UNC5C: variants seen among roughly 807,000 people sequenced by gnomAD.
UNC5C encodes the protein unc-5 netrin receptor C, also known as netrin receptor UNC5C.
In UNC5C, 47 loss-of-function variants were observed where a neutral mutation model predicts 99.8. The ratio of observed to expected loss-of-function variants is 0.47; its 90% CI spans 0.37 to 0.60. The LOEUF is 0.60. Ranked by LOEUF, UNC5C falls within the 20% of genes least tolerant of loss-of-function variation. UNC5C has a pLI of 0.00. For missense variants in UNC5C, 1,062 were observed against 1,165.9 expected (o/e 0.91, Z 1.30); for synonymous variants, 487 against 452.2 (o/e 1.08, Z -0.98).
chr4:95,411,307 C>G (rs111483478), intron 1 of UNC5C, among the ~76,000 whole-genome samples: 2,378 of 152,150 alleles, frequency 0.016, 70 homozygotes, highest in African/African-American at 0.053. Flanking sequence ...CCTCAGATGT[C>G]CACAAAGGAT....
intron 1 of UNC5C, among the ~76,000 whole-genome samples, chr4:95,355,087 A>G (rs929798793): frequency 6.6e-6 from 1 of 152,156 alleles, no homozygotes; most frequent in South Asian, 2.1e-4. Flanking sequence ...TGTAATTGCT[A>G]TAAAAATAGG....
intron 3 of UNC5C, among the ~76,000 whole-genome samples, chr4:95,281,256 A>G (rs1254542843): frequency 2.0e-5 from 3 of 152,246 alleles, no homozygotes; most frequent in African/African-American, 7.2e-5. Flanking sequence ...ATGTATTTAA[A>G]TAGAGCAATT....
intron 1 of UNC5C, among the ~76,000 whole-genome samples, chr4:95,433,275 A>G (rs1746683011): frequency 6.6e-6 from 1 of 152,158 alleles, no homozygotes; most frequent in South Asian, 2.1e-4. Flanking sequence ...TATGCTTATT[A>G]TTTTAAAATG....
chr4:95,286,989 G>C, intron 3 of UNC5C, among the ~76,000 whole-genome samples: 1 of 152,196 alleles, frequency 6.6e-6, no homozygotes, highest in East Asian at 1.9e-4. Context: ...CCTGTGGACT[G>C]CTACTTTGAG....
At chr4:95,329,604 T>C (rs1433076428) in intron 2 of UNC5C, among the ~76,000 whole-genome samples, 1 of 152,226 alleles carries the variant, frequency 6.6e-6, no homozygotes, top group African/African-American at 2.4e-5. Context: ...TTTACATTGC[T>C]GTTCCTGTAT....
At chr4:95,417,296 C>T (rs1031636024) in intron 1 of UNC5C, among the ~76,000 whole-genome samples, 5 of 152,144 alleles carry the variant, frequency 3.3e-5, no homozygotes, top group South Asian at 2.1e-4. Context: ...ATATTAGCCC[C>T]GTAAGTCCTG....
chr4:95,219,809 C>G (rs1738399532), intron 8 of UNC5C, among the ~76,000 whole-genome samples, 176 bp downstream of exon 8: 1 of 152,208 alleles, frequency 6.6e-6, no homozygotes. Context: ...GAGGATTTAT[C>G]TTGTTAACTC....
chr4:95,301,806 A>G, intron 2 of UNC5C, 57 bp from the exon 3 acceptor site: 6 of 1,566,684 alleles, frequency 3.8e-6, no homozygotes, highest in Non-Finnish European at 5.2e-6. Context: ...AAAGAAATAT[A>G]AACCATCACA....
intron 5 of UNC5C, among the ~76,000 whole-genome samples, chr4:95,246,736 A>C (rs1739515838): frequency 6.6e-6 from 1 of 151,956 alleles, no homozygotes; most frequent in Non-Finnish European, 1.5e-5. Flanking sequence ...TATAATGCTT[A>C]TTTTTAAATC....
In UNC5C at chr4:95,241,793, A is replaced by G. The variant is rs187621372; in HGVS notation, c.1108+636T>C. 2.5e-3 allele frequency among the ~76,000 whole-genome samples: 376 copies of G among 152,334 alleles called. 2 individuals carry two copies. The highest frequency in any genetic ancestry group is 8.3e-3 in the African/African-American group (344 of 41,574). On this transcript the variant is annotated intron_variant, in intron 7 of 15. Coordinates refer to ENST00000453304, the MANE Select transcript of UNC5C (RefSeq NM_003728.4). Reference sequence around the variant, plus strand: ...AAATCTAAAGAACAAAGACGTGAAAAAAATGGAGAATATCTAGCTTATAGC... The same window carrying G: ...AAATCTAAAGAACAAAGACGTGAAAGAAATGGAGAATATCTAGCTTATAGC...
chr4:95,205,228 C>T (rs1238656332), intron 11 of UNC5C, among the ~76,000 whole-genome samples: 1 of 152,160 alleles, frequency 6.6e-6, no homozygotes, highest in African/African-American at 2.4e-5. Flanking sequence ...ATTGTAACTA[C>T]TCAAACCCAG....
At chr4:95,195,599 G>A (rs571683044) in intron 12 of UNC5C, among the ~76,000 whole-genome samples, 11 of 152,254 alleles carry the variant, frequency 7.2e-5, no homozygotes, top group African/African-American at 2.4e-4. Context: ...GCTTGCCGAG[G>A]AAATGCCAGG....
intron 11 of UNC5C, among the ~76,000 whole-genome samples, chr4:95,204,481 G>A (rs568400196): frequency 1.3e-4 from 20 of 152,332 alleles, no homozygotes; most frequent in South Asian, 4.1e-4. Context: ...GCTGGGCTTC[G>A]GCCTACGGTT....
At chr4:95,365,371 A>C (rs1413027545) in intron 1 of UNC5C, among the ~76,000 whole-genome samples, 1 of 148,032 alleles carries the variant, frequency 6.8e-6, no homozygotes, top group Non-Finnish European at 1.5e-5. Context: ...ATAACATTTA[A>C]AAATATATAA....
intron 1 of UNC5C, among the ~76,000 whole-genome samples, chr4:95,434,882 T>G (rs1201059540): frequency 2.0e-5 from 3 of 152,020 alleles, no homozygotes; most frequent in African/African-American, 7.2e-5. Flanking sequence ...GCACTGCAGT[T>G]TGTCAAAGCC....
chr4:95,352,788 T>C (rs1744037281), intron 1 of UNC5C, among the ~76,000 whole-genome samples: 1 of 152,156 alleles, frequency 6.6e-6, no homozygotes, highest in South Asian at 2.1e-4. Flanking sequence ...TCACCAGGAC[T>C]CAAGTTGAGG....
At chr4:95,545,445 G>A (rs1193683385) in intron 1 of UNC5C, among the ~76,000 whole-genome samples, 1 of 152,082 alleles carries the variant, frequency 6.6e-6, no homozygotes, top group East Asian at 1.9e-4. Context: ...CGATAGAATT[G>A]TAATGAACTT....
chr4:95,417,204 T>C (rs2149454470), intron 1 of UNC5C, among the ~76,000 whole-genome samples: 1 of 152,298 alleles, frequency 6.6e-6, no homozygotes, highest in African/African-American at 2.4e-5. Context: ...TATGAAGACT[T>C]AGAGCTTCAA....
intron 7 of UNC5C, among the ~76,000 whole-genome samples, chr4:95,241,707 G>A (rs1023114451): frequency 6.6e-6 from 1 of 151,930 alleles, no homozygotes; most frequent in Non-Finnish European, 1.5e-5. Context: ...TACATCTGAG[G>A]GCTCCTCAAT....
Sources: gnomAD v4.1 joint callset for allele counts (sites outside exome capture counted in the v4.1 genomes callset) on GRCh38, gnomAD v4.1.1 for gene constraint, MANE v1.5 for transcripts, NCBI Gene and HGNC (gene_info 2026-07-23, HGNC 2026-07-21) for gene names.